MPDZ: variants seen among roughly 807,000 people sequenced by gnomAD.
MPDZ encodes multiple PDZ domain crumbs cell polarity complex component.
Under a neutral mutation model 239.1 loss-of-function variants are expected in MPDZ, and 234 were observed. That is an observed-to-expected ratio of 0.98 (90% CI 0.88 to 1.09). MPDZ has a LOEUF of 1.09. Ranked by LOEUF, MPDZ falls within the 50% of genes least tolerant of loss-of-function variation. The probability of loss-of-function intolerance (pLI) is 0.00; values close to 1 mark genes in which losing one functional copy is unlikely to be tolerated. For synonymous variants in MPDZ, 1,048 were observed against 881.3 expected (o/e 1.19, Z -3.35); for missense variants, 3,175 against 2,510.0 (o/e 1.26, Z -5.66).
In MPDZ at chr9:13,183,558, CT is replaced by C. The variant is rs770273328; in HGVS notation, c.2508del (p.Asp837MetfsTer35). 43 of 1,612,206 alleles carry C rather than the reference CT, an allele frequency of 2.7e-5. No individual in the cohort carries two copies. The highest frequency in any genetic ancestry group is 4.2e-6 in the Non-Finnish European group (5 of 1,178,962). On this transcript the variant is annotated frameshift_variant, in exon 19 of 47. Coordinates refer to ENST00000319217, the MANE Select transcript of MPDZ (RefSeq NM_001378778.1). LOFTEE classifies it high-confidence loss of function. The part of the protein sequence containing the change: ...ALVGTNDADL[V>X]DESTFESPYS... ...TATGGAGACTCAAATGTGGATTCAT[CT>C]ACTAAGTCAGCATCATTTGTGCCCA...
chr9:13,224,032 C>CA (rs942979497), intron 4 of MPDZ, among the ~76,000 whole-genome samples: 3 of 148,280 alleles, frequency 2.0e-5, no homozygotes, highest in Non-Finnish European at 3.0e-5. Flanking sequence ...AGGCATGTCT[C>CA]AAAAAAAAAC....
intron 10 of MPDZ, among the ~76,000 whole-genome samples, chr9:13,206,387 C>CT (rs908375192): frequency 4.0e-5 from 6 of 151,474 alleles, no homozygotes; most frequent in African/African-American, 1.5e-4. Flanking sequence ...GCTTCTATGC[C>CT]TTTTTTTTCC....
rs1398062133 is a variant in MPDZ at position 13,193,279 on chromosome 9, C to A, written c.1691G>T (p.Gly564Val). The A allele has an allele frequency of 3.1e-6, 5 of 1,611,854 alleles. No homozygotes were observed. Among genetic ancestry groups the A allele is most frequent in the Non-Finnish European group, 4.2e-6 (5 of 1,178,602 alleles). ...TGTCGCTTCCAGGCTTATCCCCAAT[C>A]CACTGTTCTCACTAAACTTGCTCAC... ...AHVSKFSENS[G>V]LGISLEATVG... The change falls in exon 14 of 47, where the codon GGA becomes GTA. Residue 564 changes from glycine (G) to valine (V), a missense_variant. Physicochemically the swap from Gly to Val is moderately radical, Grantham distance 109 (BLOSUM62 -3). Coordinates refer to ENST00000319217, the MANE Select transcript of MPDZ (RefSeq NM_001378778.1).
At position 13,140,020 on chromosome 9, in the gene MPDZ, C is replaced by T. The variant is rs754898988; in HGVS notation, c.3970G>A (p.Val1324Met). 5.6e-6 allele frequency: 9 copies of T among 1,613,224 alleles called. No individual in the cohort carries two copies. Among genetic ancestry groups the T allele is most frequent in the Admixed American group, 3.3e-5 (2 of 59,948 alleles). ...QSSASKISQD[V>M]DKEDEFGYSW... Reference sequence around the variant, plus strand: ...TAACCAAACTCATCCTCTTTGTCCACATCTTGTGAGATTTTGCTTGCAGAT... The same window carrying T: ...TAACCAAACTCATCCTCTTTGTCCATATCTTGTGAGATTTTGCTTGCAGAT... The change falls in exon 28 of 47, where the codon GTG becomes ATG. Residue 1324 changes from valine to methionine, a missense_variant. Coordinates refer to ENST00000319217, the MANE Select transcript of MPDZ (RefSeq NM_001378778.1).
intron 27 of MPDZ, among the ~76,000 whole-genome samples, chr9:13,143,062 TGGAAGA>T (rs1947943821): frequency 1.3e-5 from 2 of 152,146 alleles, no homozygotes; most frequent in Non-Finnish European, 2.9e-5. Flanking sequence ...GATTAACTCA[TGGAAGA>T]GCTTTTATGA....
At chr9:13,239,299 C>A (rs1964808414) in intron 3 of MPDZ, among the ~76,000 whole-genome samples, 2 of 152,116 alleles carry the variant, frequency 1.3e-5, no homozygotes. Context: ...ATATGGAGTT[C>A]TATGATTAAG....
At position 13,183,474 on chromosome 9, in the gene MPDZ, T is replaced by C. The variant is rs746118639; in HGVS notation, c.2593A>G (p.Ser865Gly). Residue 865 changes from serine to glycine, a missense_variant, in exon 19 of 47, where the codon AGT (serine) becomes GGT (glycine). Transcript: ENST00000319217. ...TAGTTCAGGCCATCACCACAAGAAC[T>C]GCCATGAAGAGATAAAATAGAGGCT... Reference protein sequence around the residue: ...TQASILSLHGSSCGDGLNYGS... With the variant: ...TQASILSLHGGSCGDGLNYGS... 3.3e-5 allele frequency: 53 copies of C among 1,611,322 alleles called. No individual in the cohort carries two copies. The highest frequency in any genetic ancestry group is 4.2e-5 in the Non-Finnish European group (50 of 1,178,626).
At chr9:13,210,325 G>C (rs1456004235) in intron 10 of MPDZ, among the ~76,000 whole-genome samples, 1 of 151,618 alleles carries the variant, frequency 6.6e-6, no homozygotes, top group Non-Finnish European at 1.5e-5. Context: ...GCCACCAAGC[G>C]GAAATTTAAA....
Position 13,267,488 on chromosome 9 carries a change from T to C in MPDZ, c.-58+11912A>G, listed in dbSNP as rs549453036. ...TGCTGTAAAGTACAGAGCTTTATGA[T>C]ATCTTCTTTTCCATTGCTGAAAATT... On this transcript the variant is annotated intron_variant, in intron 1 of 46. Transcript: ENST00000319217. Among the ~76,000 whole-genome samples, 7 of 152,340 alleles carry C rather than the reference T, an allele frequency of 4.6e-5. No individual in the cohort carries two copies. The East Asian group carries it at 1.3e-3, about 29-fold the overall frequency.
rs567828180 is a variant in MPDZ, at chr9:13,146,338, C to G, written c.3741+1210G>C. On this transcript the variant is annotated intron_variant, in intron 26 of 46. Transcript: ENST00000319217. Reference sequence around the variant, plus strand: ...ATATTGATAAGTTACTTTGACAGAGCTCATCTAAAGAGCTGTTGGTTATTT... The same window carrying G: ...ATATTGATAAGTTACTTTGACAGAGGTCATCTAAAGAGCTGTTGGTTATTT... 2.6e-5 allele frequency among the ~76,000 whole-genome samples: 4 copies of G among 152,138 alleles called. No homozygotes were observed. The East Asian group carries it at 7.7e-4, about 29-fold the overall frequency.
At chr9:13,140,382 T>TTATATA (rs1256354544) in intron 27 of MPDZ, among the ~76,000 whole-genome samples, 6 of 144,102 alleles carry the variant, frequency 4.2e-5, no homozygotes, top group African/African-American at 1.6e-4. Flanking sequence ...GTTAAATATT[T>TTATATA]TATATATATA....
At chr9:13,108,220 G>A (rs1272775513) in intron 46 of MPDZ, among the ~76,000 whole-genome samples, 2 of 151,986 alleles carry the variant, frequency 1.3e-5, no homozygotes, top group East Asian at 1.9e-4. Context: ...AAATCTTGTC[G>A]AATTTTGTAG....
chr9:13,267,953 G>C (rs974532248), intron 1 of MPDZ, among the ~76,000 whole-genome samples: 42 of 152,102 alleles, frequency 2.8e-4, no homozygotes, highest in South Asian at 2.1e-4. Context: ...GCACAAAGTA[G>C]CAAAACACAG....
At chr9:13,243,199 T>C (rs962933488) in intron 3 of MPDZ, among the ~76,000 whole-genome samples, 33 of 152,176 alleles carry the variant, frequency 2.2e-4, no homozygotes, top group African/African-American at 7.0e-4. Context: ...AGAACCTCCA[T>C]CTTATTATTC....
intron 39 of MPDZ, among the ~76,000 whole-genome samples, chr9:13,116,961 A>G (rs970353104): frequency 3.3e-5 from 5 of 151,978 alleles, no homozygotes; most frequent in Non-Finnish European, 7.4e-5. Flanking sequence ...TATAGGGGGG[A>G]ATATGTTCTA....
intron 23 of MPDZ, among the ~76,000 whole-genome samples, chr9:13,158,555 C>A (rs1428146737): frequency 1.3e-5 from 2 of 152,188 alleles, no homozygotes; most frequent in East Asian, 1.9e-4. Context: ...TCAAGTTTGC[C>A]AAGAGTTTAG....
At chr9:13,157,228 T>C (rs1397593516) in intron 24 of MPDZ, among the ~76,000 whole-genome samples, 1 of 152,136 alleles carries the variant, frequency 6.6e-6, no homozygotes, top group East Asian at 1.9e-4. Flanking sequence ...TGGTGACCTT[T>C]AGGTCTGTTT....
chr9:13,231,842 T>G (rs2136793296), intron 3 of MPDZ, among the ~76,000 whole-genome samples: 1 of 152,236 alleles, frequency 6.6e-6, no homozygotes, highest in South Asian at 2.1e-4. Flanking sequence ...AAATACTAAA[T>G]GAGAATGTTA....
At chr9:13,110,598 A>G (rs773839128) in intron 44 of MPDZ, 38 bp downstream of exon 44, 2 of 1,443,830 alleles carry the variant, frequency 1.4e-6, no homozygotes, top group Non-Finnish European at 1.9e-6. Context: ...TCTTCAGGCT[A>G]CCTATATTCT....
Sources: allele counts gnomAD v4.1 joint callset (sites outside exome capture counted in the v4.1 genomes callset), GRCh38; gene constraint gnomAD v4.1.1; transcripts MANE v1.5; gene names NCBI Gene and HGNC (gene_info 2026-07-23, HGNC 2026-07-21).